EPS15L1: variants seen among roughly 807,000 people sequenced by gnomAD.
EPS15L1 encodes epidermal growth factor receptor substrate 15-like 1.
A neutral mutation model predicts 117.1 loss-of-function variants in EPS15L1; 43 were observed. The observed-to-expected ratio is 0.37, with a 90% CI of 0.29 to 0.47. The LOEUF is 0.47. Ranked by LOEUF, EPS15L1 falls within the 20% of genes least tolerant of loss-of-function variation. EPS15L1 has a pLI of 0.99. For missense variants in EPS15L1, 981 were observed against 1,164.0 expected (o/e 0.84, Z 2.29); for synonymous variants, 459 against 470.5 (o/e 0.98, Z 0.32).
chr19:16,355,290 T>A lies in EPS15L1; in HGVS notation c.*415A>T. ...TATATTAATCATTCAAACTTCATTT[T>A]ATACAACGAGTGCATACACCACTGG... On this transcript the variant is annotated 3_prime_UTR_variant, in exon 24 of 24. Transcript: ENST00000455140. 6.2e-6 allele frequency: 1 copy of A among 160,136 alleles called. No homozygotes were observed. The highest frequency in any genetic ancestry group is 1.2e-5 in the Non-Finnish European group (1 of 84,024). The allele number at this position is 160,136 out of a possible 1,614,324, so 9.9% of individuals were successfully genotyped here.
chr19:16,361,480 G>T, intron 23 of EPS15L1: 1 of 740,526 alleles, frequency 1.4e-6, no homozygotes, highest in Non-Finnish European at 1.7e-6. Context: ...CAACAGCCTC[G>T]GTGCGTCAGA....
chr19:16,385,001 G>C (rs2092404183), intron 21 of EPS15L1, 128 bp downstream of exon 21: 2 of 773,336 alleles, frequency 2.6e-6, no homozygotes, highest in Non-Finnish European at 4.5e-6. Flanking sequence ...TTCCAGACCT[G>C]ACCTTGTGTT....
At chr19:16,449,247 AAAAC>A (rs140126191) in intron 1 of EPS15L1, among the ~76,000 whole-genome samples, 22,329 of 151,758 alleles carry the variant, frequency 0.15, 1,812 homozygotes, top group African/African-American at 0.22. Context: ...GATTTCTTAA[AAAAC>A]AAACAAACAA....
chr19:16,423,425 T>C (rs1017769838), intron 9 of EPS15L1, among the ~76,000 whole-genome samples: 2 of 151,826 alleles, frequency 1.3e-5, no homozygotes, highest in Non-Finnish European at 2.9e-5. Flanking sequence ...TAAATAAAAT[T>C]AGCTAGGTGT....
At chr19:16,398,998 T>C (rs1056373687) in intron 16 of EPS15L1, among the ~76,000 whole-genome samples, 11 of 152,040 alleles carry the variant, frequency 7.2e-5, no homozygotes, top group Non-Finnish European at 1.2e-4. Flanking sequence ...TATAAGGTTT[T>C]TTTTTTTCAG....
intron 22 of EPS15L1, among the ~76,000 whole-genome samples, chr19:16,375,533 C>T (rs2092284581): frequency 6.6e-6 from 1 of 152,184 alleles, no homozygotes; most frequent in East Asian, 1.9e-4. Flanking sequence ...AAGAGGCCCA[C>T]TGCCGTTCCA....
intron 13 of EPS15L1, among the ~76,000 whole-genome samples, chr19:16,410,162 T>G (rs967850242): frequency 4.1e-5 from 6 of 147,806 alleles, no homozygotes; most frequent in Admixed American, 4.0e-4. Flanking sequence ...AATTTAAAAA[T>G]CGGCAAGAAA....
chr19:16,424,913 G>A (rs1359015601), intron 9 of EPS15L1, among the ~76,000 whole-genome samples, 170 bp downstream of exon 9: 8 of 152,030 alleles, frequency 5.3e-5, no homozygotes, highest in South Asian at 2.1e-4. Flanking sequence ...TGCCCACCTC[G>A]GCCTCCCAAA....
rs2092120847 is a variant in EPS15L1 at position 16,365,474 on chromosome 19, T to G, written c.2381-3490A>C. On this transcript the variant is annotated intron_variant, in intron 22 of 23. Transcript: ENST00000455140. The surrounding 1 kb of genome is among the most constrained non-coding windows in gnomAD (Gnocchi z 4.9). Reference sequence around the variant, plus strand: ...AGGTCTCAGAAGAAACCAACCCCACTGGCGCCTTGATCTTGGACTTTGAGC... The same window carrying G: ...AGGTCTCAGAAGAAACCAACCCCACGGGCGCCTTGATCTTGGACTTTGAGC... Among the ~76,000 whole-genome samples, 1 of 152,228 alleles carries G rather than the reference T, an allele frequency of 6.6e-6. No homozygotes were observed. Among genetic ancestry groups the G allele is most frequent in the Admixed American group, 6.5e-5 (1 of 15,288 alleles).
Position 16,403,793 on chromosome 19 carries a change from C to T in EPS15L1, c.1566G>A (p.Gly522=), listed in dbSNP as rs1233421036. 1.9e-6 allele frequency: 3 copies of T among 1,614,024 alleles called. No homozygotes were observed. In the South Asian group the frequency reaches 3.3e-5, roughly 18 times the overall value. The change falls in exon 15 of 24, where the codon GGG becomes GGA. Residue 522 remains glycine, a synonymous_variant. Transcript: ENST00000455140. ...ETQLEQSIQA[G]RVQLETIIKS... is the part of the protein sequence containing the mutation. Reference sequence around the variant, plus strand: ...TGATGATGGTTTCCAGCTGGACTCGCCCAGCCTGAATGCTCTGCTCCAGCT... The same window carrying T: ...TGATGATGGTTTCCAGCTGGACTCGTCCAGCCTGAATGCTCTGCTCCAGCT...
intron 22 of EPS15L1, among the ~76,000 whole-genome samples, chr19:16,362,800 G>A (rs1311635474): frequency 6.6e-6 from 1 of 152,136 alleles, no homozygotes; most frequent in African/African-American, 2.4e-5. Context: ...ATGAGCCACT[G>A]CACCTGGCCT....
At chr19:16,397,860 A>G (rs1310872923) in intron 16 of EPS15L1, among the ~76,000 whole-genome samples, 1 of 152,208 alleles carries the variant, frequency 6.6e-6, no homozygotes, top group Non-Finnish European at 1.5e-5. Context: ...GTTTTAGTTA[A>G]TAAAGACACA....
intron 1 of EPS15L1, among the ~76,000 whole-genome samples, chr19:16,457,157 T>C (rs1291174725): frequency 2.6e-5 from 4 of 152,122 alleles, no homozygotes; most frequent in Non-Finnish European, 5.9e-5. Context: ...GACATGCCAG[T>C]TCCCTAAAAA....
intron 3 of EPS15L1, 66 bp downstream of exon 3, chr19:16,441,826 C>T: frequency 7.4e-7 from 1 of 1,343,298 alleles, no homozygotes; most frequent in African/African-American, 1.4e-5. Flanking sequence ...CACAGGCTGG[C>T]CCTGACCTGC....
At chr19:16,402,172 A>G in intron 16 of EPS15L1, 149 bp downstream of exon 16, 1 of 1,437,396 alleles carries the variant, frequency 7.0e-7, no homozygotes. Context: ...CCTGGTGTGA[A>G]CGCGCAAAGT....
chr19:16,438,515 T>C (rs1442901476), intron 4 of EPS15L1, among the ~76,000 whole-genome samples: 2 of 152,132 alleles, frequency 1.3e-5, no homozygotes, highest in Non-Finnish European at 2.9e-5. Flanking sequence ...AGGTTACGAA[T>C]GATGGACCAA....
At chr19:16,419,446 GTC>G (rs1459189424) in intron 10 of EPS15L1, among the ~76,000 whole-genome samples, 2 of 151,742 alleles carry the variant, frequency 1.3e-5, no homozygotes, top group Admixed American at 6.6e-5. Flanking sequence ...GCAACAGTGA[GTC>G]TCTGTCTCAA....
chr19:16,441,681 C>T, intron 3 of EPS15L1: 2 of 336,208 alleles, frequency 5.9e-6, no homozygotes, highest in East Asian at 5.1e-5. Flanking sequence ...CCCAAAAGTA[C>T]TCGGGTTTCT....
At chr19:16,386,076 G>A in intron 20 of EPS15L1, 95 bp downstream of exon 20, 1 of 955,020 alleles carries the variant, frequency 1.0e-6, no homozygotes, top group Admixed American at 2.0e-5. Context: ...AAACACAGAG[G>A]CCACGCTGGC....
Sources: allele counts gnomAD v4.1 joint callset (sites outside exome capture counted in the v4.1 genomes callset), GRCh38; gene constraint gnomAD v4.1.1; non-coding constraint Gnocchi (gnomAD v3.1); transcripts MANE v1.5; gene names NCBI Gene and HGNC (gene_info 2026-07-23, HGNC 2026-07-21).